Variants in MRTFA observed in about 807,000 individuals in gnomAD.
MRTFA encodes the protein myocardin-related transcription factor A.
In MRTFA, 20 loss-of-function variants were observed where a neutral mutation model predicts 83.5. The ratio of observed to expected loss-of-function variants is 0.24; its 90% CI spans 0.17 to 0.35. MRTFA has a LOEUF of 0.35. MRTFA is among the 10% of genes least tolerant of loss of function. MRTFA has a pLI of 1.00. For missense variants in MRTFA, 1,200 were observed against 1,224.7 expected, an observed-to-expected ratio of 0.98 and a Z score of 0.30; for synonymous variants, 659 against 541.2, an observed-to-expected ratio of 1.22 and a Z score of -3.02.
chr22:40,598,997 TA>T (rs577125107), intron 1 of MRTFA, among the ~76,000 whole-genome samples: 289 of 84,526 alleles, frequency 3.4e-3, no homozygotes, highest in South Asian at 0.016. Context: ...AAACTCCATC[TA>T]AAAAAAAAAA....
intron 1 of MRTFA, among the ~76,000 whole-genome samples, chr22:40,630,939 T>C (rs1472819950): frequency 6.6e-6 from 1 of 152,208 alleles, no homozygotes; most frequent in African/African-American, 2.4e-5. Flanking sequence ...ATTCTAGGTA[T>C]TTTTATTATG....
chr22:40,458,758 C>T (rs2053641118), intron 4 of MRTFA, among the ~76,000 whole-genome samples: 1 of 152,108 alleles, frequency 6.6e-6, no homozygotes, highest in Admixed American at 6.5e-5. Flanking sequence ...GTACAACAAA[C>T]TTAAATCTGA....
At chr22:40,444,414 C>T (rs1045846301) in intron 4 of MRTFA, among the ~76,000 whole-genome samples, 3 of 152,064 alleles carry the variant, frequency 2.0e-5, no homozygotes, top group African/African-American at 7.2e-5. Context: ...GAAAACTTCC[C>T]AAATTTGGCA....
At chr22:40,628,796 C>T (rs143730874) in intron 1 of MRTFA, among the ~76,000 whole-genome samples, 11 of 152,258 alleles carry the variant, frequency 7.2e-5, no homozygotes, top group Middle Eastern at 3.4e-3. Context: ...GAACTCAAAT[C>T]ATTTAATTTC....
At chr22:40,597,201 T>C (rs993289503) in intron 1 of MRTFA, among the ~76,000 whole-genome samples, 1 of 152,228 alleles carries the variant, frequency 6.6e-6, no homozygotes, top group African/African-American at 2.4e-5. Context: ...ATATACTTGC[T>C]GATAGAAGGC....
intron 1 of MRTFA, among the ~76,000 whole-genome samples, chr22:40,596,749 G>A (rs2056197424): frequency 6.6e-6 from 1 of 152,140 alleles, no homozygotes; most frequent in Admixed American, 6.5e-5. Flanking sequence ...AAGCTGCAGT[G>A]AGCCAAGATC....
At chr22:40,531,137 C>T (rs186043166) in intron 3 of MRTFA, among the ~76,000 whole-genome samples, 170 of 152,122 alleles carry the variant, frequency 1.1e-3, no homozygotes, top group South Asian at 7.1e-3. Context: ...CTTGCTCTGT[C>T]GCCCCAGTTG....
intron 3 of MRTFA, among the ~76,000 whole-genome samples, chr22:40,538,415 G>A (rs889394239): frequency 1.3e-5 from 2 of 150,620 alleles, no homozygotes; most frequent in Non-Finnish European, 3.0e-5. Flanking sequence ...CAAGCAATCA[G>A]GGACACAAAC....
At chr22:40,609,482 C>CAAAAAAAAAAAAAAAA (rs148106089) in intron 1 of MRTFA, among the ~76,000 whole-genome samples, 1 of 69,722 alleles carries the variant, frequency 1.4e-5, no homozygotes. Context: ...GTCTCTTTAA[C>CAAAAAAAAAAAAAAAA]AAAAAAAAAA....
At chr22:40,430,888 G>GA in intron 6 of MRTFA, among the ~76,000 whole-genome samples, 1 of 150,356 alleles carries the variant, frequency 6.7e-6, no homozygotes, top group East Asian at 1.9e-4. Flanking sequence ...AAAAGCGGGG[G>GA]AAGAAAAAAA....
At chr22:40,482,218 T>C (rs140395027) in intron 3 of MRTFA, among the ~76,000 whole-genome samples, 35 of 152,266 alleles carry the variant, frequency 2.3e-4, no homozygotes, top group African/African-American at 5.8e-4. Flanking sequence ...TGGTAACAGG[T>C]AGAGCCAGAG....
chr22:40,489,171 G>C (rs1015413861), intron 3 of MRTFA, among the ~76,000 whole-genome samples: 4 of 152,030 alleles, frequency 2.6e-5, no homozygotes, highest in African/African-American at 9.7e-5. Flanking sequence ...GGGTATCTTT[G>C]AGTATTACAA....
At chr22:40,599,514 A>C (rs2056232980) in intron 1 of MRTFA, among the ~76,000 whole-genome samples, 1 of 152,200 alleles carries the variant, frequency 6.6e-6, no homozygotes, top group Non-Finnish European at 1.5e-5. Context: ...AAGCAATTTC[A>C]TAGAATTCTG....
chr22:40,589,994 C>G (rs2147375082), intron 2 of MRTFA, among the ~76,000 whole-genome samples: 1 of 151,264 alleles, frequency 6.6e-6, no homozygotes, highest in East Asian at 1.9e-4. Context: ...TGCACTCCAG[C>G]CTGGGAGACA....
chr22:40,508,372 C>A (rs1361433304), intron 3 of MRTFA, among the ~76,000 whole-genome samples: 8 of 151,596 alleles, frequency 5.3e-5, no homozygotes, highest in Non-Finnish European at 1.0e-4. Context: ...ACTAGCTGGG[C>A]GTGGTGGTGC....
In MRTFA at chr22:40,411,191, CAG is replaced by C. The variant is rs1234256651; in HGVS notation, c.*197_*198del. 2.0e-6 allele frequency: 1 copy of C among 492,672 alleles called. No homozygotes were observed. The highest frequency in any genetic ancestry group is 3.4e-6 in the Non-Finnish European group (1 of 293,318). 30.5% of individuals were successfully genotyped at this position (492,672 alleles called of 1,614,324 possible). On this transcript the variant is annotated 3_prime_UTR_variant, in exon 15 of 15. Coordinates refer to ENST00000355630, the MANE Select transcript of MRTFA (RefSeq NM_020831.6). ...CGTGAGAGCCAGGGCTGCTTCTTGA[CAG>C]CTGCTCTCCTCTGCCCTGCGTGGCA...
intron 3 of MRTFA, among the ~76,000 whole-genome samples, chr22:40,528,875 C>CT (rs566971767): frequency 2.6e-4 from 39 of 150,436 alleles, no homozygotes; most frequent in Non-Finnish European, 3.1e-4. Context: ...TTATGAGATT[C>CT]TTTTTTTTTG....
chr22:40,562,641 G>T (rs1423847619), intron 2 of MRTFA, among the ~76,000 whole-genome samples: 1 of 81,622 alleles, frequency 1.2e-5, no homozygotes, highest in Admixed American at 1.1e-4. Context: ...GGGGGAAAGG[G>T]GGGGAGGAGG....
intron 3 of MRTFA, among the ~76,000 whole-genome samples, chr22:40,499,959 TC>T (rs1398674261): frequency 7.2e-6 from 1 of 138,714 alleles, no homozygotes; most frequent in African/African-American, 2.7e-5. Context: ...TCTCACTCTG[TC>T]CCCAAGGCTG....
Sources: allele counts gnomAD v4.1 joint callset (sites outside exome capture counted in the v4.1 genomes callset), GRCh38; gene constraint gnomAD v4.1.1; transcripts MANE v1.5; gene names NCBI Gene and HGNC (gene_info 2026-07-23, HGNC 2026-07-21).